GPR39: variants seen among roughly 807,000 people sequenced by gnomAD.
The protein encoded by GPR39 is G protein-coupled receptor 39.
A neutral mutation model predicts 18.4 loss-of-function variants in GPR39; 23 were observed. The observed-to-expected ratio is 1.25, with a 90% CI of 0.90 to 1.77. The LOEUF (loss-of-function observed/expected upper bound fraction) is 1.77, where lower values mean the gene tolerates loss of function less well. GPR39 is among the 40% of genes most tolerant of loss of function. The probability of loss-of-function intolerance (pLI) is 0.00; values close to 1 mark genes in which losing one functional copy is unlikely to be tolerated. For synonymous variants in GPR39, 280 were observed against 257.9 expected (o/e 1.09, Z -0.82); for missense variants, 647 against 602.4 (o/e 1.07, Z -0.78).
At position 132,645,615 on chromosome 2, in the gene GPR39, C is replaced by A; in HGVS notation, c.*9C>A. 1.2e-6 allele frequency: 2 copies of A among 1,604,766 alleles called. No homozygotes were observed. The highest frequency in any genetic ancestry group is 1.7e-6 in the Non-Finnish European group (2 of 1,175,244). On this transcript the variant is annotated 3_prime_UTR_variant, in exon 2 of 2. Coordinates refer to ENST00000329321, the MANE Select transcript of GPR39 (RefSeq NM_001508.3). Reference sequence around the variant, plus strand: ...AGGAGCATGAAGTTTGAATGTCAAGCGAGGGAGCCTTGAGTGGGAACTGGC... The same window carrying A: ...AGGAGCATGAAGTTTGAATGTCAAGAGAGGGAGCCTTGAGTGGGAACTGGC...
intron 1 of GPR39, among the ~76,000 whole-genome samples, chr2:132,455,997 G>C (rs1233237961): frequency 6.6e-6 from 1 of 152,132 alleles, no homozygotes; most frequent in Non-Finnish European, 1.5e-5. Context: ...TATGAGGTCT[G>C]CTTGTTGCAG....
chr2:132,459,198 A>G (rs1389855596), intron 1 of GPR39, among the ~76,000 whole-genome samples: 1 of 152,110 alleles, frequency 6.6e-6, no homozygotes, highest in Non-Finnish European at 1.5e-5. Flanking sequence ...TCCTAGGTTC[A>G]TCACAGGTAG....
intron 1 of GPR39, among the ~76,000 whole-genome samples, chr2:132,479,185 A>G (rs1681186469): frequency 6.6e-6 from 1 of 152,216 alleles, no homozygotes; most frequent in African/African-American, 2.4e-5. Flanking sequence ...TATTCCAGGC[A>G]CTGCGGAGGA....
At chr2:132,580,619 G>A (rs1680606624) in intron 1 of GPR39, among the ~76,000 whole-genome samples, 1 of 152,148 alleles carries the variant, frequency 6.6e-6, no homozygotes, top group South Asian at 2.1e-4. Flanking sequence ...AAAGCACTGT[G>A]TGGTATCCAA....
chr2:132,605,654 C>T lies in GPR39; in HGVS notation c.857-39447C>T, dbSNP rs561312507. ...GTGGTTTTTATAATGTATCTCCTAC[C>T]GAGCATTCCTGGGTGAGGACGGATG... On this transcript the variant is annotated intron_variant, in intron 1 of 1. Transcript: ENST00000329321. 5.3e-5 allele frequency among the ~76,000 whole-genome samples: 8 copies of T among 152,212 alleles called. No homozygotes were observed. The East Asian group carries it at 1.2e-3, about 22-fold the overall frequency.
rs898484105 is a variant in GPR39 at position 132,432,475 on chromosome 2, C to G, written c.856+14577C>G. On this transcript the variant is annotated intron_variant, in intron 1 of 1. Coordinates refer to ENST00000329321, the MANE Select transcript of GPR39 (RefSeq NM_001508.3). ...ATAGCATCCTCTGTGTGTGTCAAAT[C>G]TCCCTCTGCCTCCCTCTTCTGAGAA... 5.3e-5 allele frequency among the ~76,000 whole-genome samples: 8 copies of G among 152,184 alleles called. No individual in the cohort carries two copies. In the East Asian group the frequency reaches 1.5e-3, roughly 29 times the overall value.
rs536067015 is a variant in GPR39, at chr2:132,505,848, C to T, written c.856+87950C>T. Among the ~76,000 whole-genome samples, 9 of 152,240 alleles carry T rather than the reference C, an allele frequency of 5.9e-5. No individual in the cohort carries two copies. The South Asian group carries it at 6.2e-4, about 11-fold the overall frequency. ...TCCGTATCTTGGCTATCGCGAATTGCGCTGCAATAAACATGGGGGTCAAGT... is the reference window on the plus strand; with the variant it reads ...TCCGTATCTTGGCTATCGCGAATTGTGCTGCAATAAACATGGGGGTCAAGT... On this transcript the variant is annotated intron_variant, in intron 1 of 1. Transcript: ENST00000329321.
At chr2:132,638,930 G>A (rs1681813131) in intron 1 of GPR39, among the ~76,000 whole-genome samples, 3 of 152,108 alleles carry the variant, frequency 2.0e-5, no homozygotes, top group African/African-American at 7.2e-5. Flanking sequence ...GAGCCTTGCA[G>A]CTCACAGAAG....
At chr2:132,538,820 G>A (rs767197683) in intron 1 of GPR39, among the ~76,000 whole-genome samples, 1 of 152,190 alleles carries the variant, frequency 6.6e-6, no homozygotes, top group Non-Finnish European at 1.5e-5. Context: ...GTGCTGTGGT[G>A]AATTCTGCTC....
At chr2:132,518,265 G>A (rs1679367510) in intron 1 of GPR39, among the ~76,000 whole-genome samples, 1 of 152,184 alleles carries the variant, frequency 6.6e-6, no homozygotes, top group African/African-American at 2.4e-5. Context: ...GCATGAGATT[G>A]TGAAGGATCA....
chr2:132,627,342 G>A (rs56181738), intron 1 of GPR39, among the ~76,000 whole-genome samples: 19,923 of 152,244 alleles, frequency 0.13, 1,624 homozygotes, highest in Middle Eastern at 0.23. Flanking sequence ...GAAAACTGCT[G>A]TCTACTTAAC....
chr2:132,497,142 GTGTGGCTCTC>G (rs1361244179), intron 1 of GPR39, among the ~76,000 whole-genome samples: 1 of 152,198 alleles, frequency 6.6e-6, no homozygotes, highest in African/African-American at 2.4e-5. Flanking sequence ...GTGGGCAGGC[GTGTGGCTCTC>G]TGTGTATAAA....
chr2:132,586,370 C>A (rs557466392), intron 1 of GPR39, among the ~76,000 whole-genome samples: 18 of 152,244 alleles, frequency 1.2e-4, no homozygotes, highest in African/African-American at 4.3e-4. Context: ...TGGTGACAGG[C>A]GCGCTCCAGC....
At chr2:132,497,734 A>G (rs553055806) in intron 1 of GPR39, among the ~76,000 whole-genome samples, 6 of 152,188 alleles carry the variant, frequency 3.9e-5, no homozygotes, top group Non-Finnish European at 7.3e-5. Context: ...AAGCTGCCCA[A>G]GGAAGAAGCA....
intron 1 of GPR39, among the ~76,000 whole-genome samples, chr2:132,546,839 C>CAAAAAAAAAAAAAAAAAAAAAAAAAA (rs60267293): frequency 8.8e-5 from 3 of 33,956 alleles, no homozygotes; most frequent in Admixed American, 4.8e-4. Context: ...AGCTCCACAG[C>CAAAAAAAAAAAAAAAAAAAAAAAAAA]AAAAAAAAAA....
At chr2:132,427,112 TA>T (rs765503487) in intron 1 of GPR39, among the ~76,000 whole-genome samples, 27,789 of 134,648 alleles carry the variant, frequency 0.21, 3,530 homozygotes, top group African/African-American at 0.25. Context: ...CATATATATA[TA>T]ATATACATAT....
chr2:132,470,841 C>T (rs1681017764), intron 1 of GPR39, among the ~76,000 whole-genome samples: 1 of 152,016 alleles, frequency 6.6e-6, no homozygotes, highest in Admixed American at 6.5e-5. Context: ...ACCTCCCAAC[C>T]CCCACCTGAC....
chr2:132,489,932 T>C (rs1003182090), intron 1 of GPR39, among the ~76,000 whole-genome samples: 3 of 151,842 alleles, frequency 2.0e-5, no homozygotes, highest in Non-Finnish European at 4.4e-5. Flanking sequence ...CCCAGGAGCT[T>C]GCAGGCAGAG....
chr2:132,432,747 T>C (rs1454382316), intron 1 of GPR39, among the ~76,000 whole-genome samples: 2 of 152,192 alleles, frequency 1.3e-5, no homozygotes, highest in African/African-American at 2.4e-5. Context: ...AGAGAGACAC[T>C]GCTGTGCATA....
Sources: allele counts gnomAD v4.1 joint callset (sites outside exome capture counted in the v4.1 genomes callset), GRCh38; gene constraint gnomAD v4.1.1; transcripts MANE v1.5; gene names NCBI Gene and HGNC (gene_info 2026-07-23, HGNC 2026-07-21).